PDE4C: variants seen among roughly 807,000 people sequenced by gnomAD.
PDE4C encodes the protein phosphodiesterase 4C.
In PDE4C, 50 loss-of-function variants were observed where a neutral mutation model predicts 63.9. The ratio of observed to expected loss-of-function variants is 0.78; its 90% CI spans 0.62 to 0.99. The LOEUF (loss-of-function observed/expected upper bound fraction) is 0.99, where lower values mean the gene tolerates loss of function less well. Among genes scored for constraint, PDE4C ranks in the 50% least tolerant of loss-of-function variants. The pLI is 0.00. For missense variants in PDE4C, 777 were observed against 899.1 expected, an observed-to-expected ratio of 0.86 and a Z score of 1.74; for synonymous variants, 377 against 385.1, an observed-to-expected ratio of 0.98 and a Z score of 0.25.
intron 2 of PDE4C, 22 bp downstream of exon 2, chr19:18,222,110 A>C: frequency 2.5e-6 from 4 of 1,590,718 alleles, no homozygotes; most frequent in Non-Finnish European, 3.4e-6. Flanking sequence ...AGGCGGTGTC[A>C]TCCCACCAGC....
At chr19:18,232,862 C>G (rs1156731423) in intron 1 of PDE4C, 33 of 1,356,922 alleles carry the variant, frequency 2.4e-5, no homozygotes, top group Non-Finnish European at 2.9e-5. Context: ...CCCCCGCCCC[C>G]TGGAGAAGCA....
At chr19:18,222,453 A>G (rs1968525723) in intron 1 of PDE4C, 130 bp from the exon 2 acceptor site, 1 of 762,620 alleles carries the variant, frequency 1.3e-6, no homozygotes, top group Non-Finnish European at 2.1e-6. Flanking sequence ...CAGCTTGTTC[A>G]CCTGCCCCCA....
At chr19:18,244,134 G>C (rs1470150060) in intron 1 of PDE4C, among the ~76,000 whole-genome samples, 2 of 152,022 alleles carry the variant, frequency 1.3e-5, no homozygotes, top group South Asian at 4.2e-4. Context: ...TCGGCCTAAA[G>C]TGCTAGGATT....
At chr19:18,219,017 A>G (rs1968341165) in exon 9 of PDE4C, 1 of 1,613,046 alleles carries the variant, frequency 6.2e-7, no homozygotes, top group Non-Finnish European at 8.5e-7. Flanking sequence ...TCAAGTCCCC[A>G]CTTGTTGGTG....
intron 13 of PDE4C, among the ~76,000 whole-genome samples, chr19:18,212,323 A>G (rs574217161): frequency 1.3e-5 from 2 of 151,840 alleles, no homozygotes; most frequent in East Asian, 3.9e-4. Flanking sequence ...AACTGGAACT[A>G]TAGGCATGCG....
At chr19:18,250,773 AT>A (rs571142608), upstream of PDE4C, among the ~76,000 whole-genome samples, 2,602 of 124,484 alleles carry the variant, frequency 0.021, 47 homozygotes, top group African/African-American at 0.053. Flanking sequence ...TGCCTGGACA[AT>A]TTTTTTTTTT....
upstream of PDE4C, among the ~76,000 whole-genome samples, chr19:18,227,419 GACAA>G (rs1968763108): frequency 6.6e-6 from 1 of 151,944 alleles, no homozygotes; most frequent in East Asian, 1.9e-4. Context: ...TCTCCTCCTA[GACAA>G]ACATCCGCAC....
At chr19:18,208,690 C>G (rs973124557), downstream of PDE4C, 8 of 152,140 alleles carry the variant, frequency 5.3e-5, no homozygotes, top group African/African-American at 1.9e-4. Context: ...CAGATAAATG[C>G]TCAGTACCCC....
chr19:18,238,224 A>ATC (rs1007608158), upstream of PDE4C, among the ~76,000 whole-genome samples: 18 of 148,488 alleles, frequency 1.2e-4, no homozygotes, highest in Admixed American at 5.4e-4. Context: ...GACCCCCTGT[A>ATC]TCTCTCTCTC....
At chr19:18,230,497 T>A (rs1319420506), upstream of PDE4C, among the ~76,000 whole-genome samples, 1 of 151,948 alleles carries the variant, frequency 6.6e-6, no homozygotes, top group African/African-American at 2.4e-5. Context: ...AGTGAGAGAC[T>A]CCATCTAAAA....
At chr19:18,243,787 T>C (rs1969083744) in intron 1 of PDE4C, among the ~76,000 whole-genome samples, 1 of 152,160 alleles carries the variant, frequency 6.6e-6, no homozygotes, top group South Asian at 2.1e-4. Context: ...TCCCAGGGAC[T>C]AGGGATGGGG....
intron 1 of PDE4C, among the ~76,000 whole-genome samples, chr19:18,222,657 TTCTCTCTCTCTCTCTCTC>T (rs138832810): frequency 2.4e-5 from 2 of 82,412 alleles, no homozygotes; most frequent in Non-Finnish European, 4.3e-5. Flanking sequence ...TTCTCGTTCT[TTCTCTCTCTCTCTCTCTC>T]TCTCTCTCTC....
At chr19:18,224,048 T>C (rs1172662482) in intron 1 of PDE4C, among the ~76,000 whole-genome samples, 1 of 152,220 alleles carries the variant, frequency 6.6e-6, no homozygotes, top group African/African-American at 2.4e-5. Flanking sequence ...ACGTTCCGCC[T>C]GTTATCTTCC....
chr19:18,219,500 T>G, intron 7 of PDE4C, 103 bp from the exon 8 acceptor site: 1 of 1,324,714 alleles, frequency 7.5e-7, no homozygotes, highest in South Asian at 1.5e-5. Flanking sequence ...CCTATTTCCC[T>G]TTCTACAGGA....
At chr19:18,247,026 T>C (rs1450771457) in intron 1 of PDE4C, among the ~76,000 whole-genome samples, 1 of 152,214 alleles carries the variant, frequency 6.6e-6, no homozygotes, top group African/African-American at 2.4e-5. Context: ...CCCGCAGGGT[T>C]TTCCTCTTGG....
chr19:18,216,722 C>T lies in PDE4C; in HGVS notation c.1389+19G>A. The T allele has an allele frequency of 6.3e-7, 1 of 1,577,088 alleles. No homozygotes were observed. Among genetic ancestry groups the T allele is most frequent in the South Asian group, 1.1e-5 (1 of 87,774 alleles). ...GCTCCCCTCTGCCCCTCCCGCCCCGCTTACTGCCCTGGCCTCACCATGTCA... is the reference window on the plus strand; with the variant it reads ...GCTCCCCTCTGCCCCTCCCGCCCCGTTTACTGCCCTGGCCTCACCATGTCA... On this transcript the variant is annotated intron_variant, in intron 12 of 14. Transcript: ENST00000262805.
upstream of PDE4C, among the ~76,000 whole-genome samples, chr19:18,228,610 T>C (rs1279776078): frequency 1.3e-5 from 2 of 152,222 alleles, no homozygotes; most frequent in African/African-American, 4.8e-5. Flanking sequence ...ATTTTATCAA[T>C]AGGTTTACTA....
chr19:18,224,011 C>G (rs766548116), intron 1 of PDE4C, among the ~76,000 whole-genome samples: 6 of 152,326 alleles, frequency 3.9e-5, no homozygotes, highest in Admixed American at 1.3e-4. Context: ...TAGGCTCCCC[C>G]ACTCCTCCAC....
upstream of PDE4C, chr19:18,249,908 A>T (rs993322340): frequency 2.1e-5 from 8 of 385,672 alleles, no homozygotes; most frequent in Non-Finnish European, 3.7e-5. Context: ...CCCTGCCTTG[A>T]GTCTGTGGAT....
Sources: gnomAD v4.1 joint callset for allele counts (sites outside exome capture counted in the v4.1 genomes callset) on GRCh38, gnomAD v4.1.1 for gene constraint, MANE v1.5 for transcripts, NCBI Gene and HGNC (gene_info 2026-07-23, HGNC 2026-07-21) for gene names.